Variants in NBEA observed in about 807,000 individuals in gnomAD.
NBEA encodes the protein neurobeachin.
A neutral mutation model predicts 343.4 loss-of-function variants in NBEA; 44 were observed. That is an observed-to-expected ratio of 0.13 (90% CI 0.10 to 0.16). The LOEUF is 0.16. NBEA is among the 10% of genes least tolerant of loss of function. The pLI is 1.00. For missense variants in NBEA, 2,555 were observed against 3,631.3 expected, an observed-to-expected ratio of 0.70 and a Z score of 7.62; for synonymous variants, 1,175 against 1,238.7, an observed-to-expected ratio of 0.95 and a Z score of 1.08.
In NBEA at chr13:35,532,699, T is replaced by C. The variant is rs541895193; in HGVS notation, c.6586-17778T>C. 2.0e-5 allele frequency among the ~76,000 whole-genome samples: 3 copies of C among 152,220 alleles called. No homozygotes were observed. The East Asian group carries it at 5.8e-4, about 29-fold the overall frequency. On this transcript the variant is annotated intron_variant, in intron 41 of 58. Coordinates refer to ENST00000379939, the MANE Select transcript of NBEA (RefSeq NM_001385012.1). ...GAAATTAGTTTGAGTCTATGCATCA[T>C]TCTAGATACTTCTAGTACCAGAAGT... is the stretch of plus-strand genomic sequence containing the variant.
At chr13:35,429,337 G>A (rs775337650) in intron 38 of NBEA, among the ~76,000 whole-genome samples, 79 of 149,738 alleles carry the variant, frequency 5.3e-4, no homozygotes, top group Middle Eastern at 6.9e-3. Flanking sequence ...TAGGTCAGGT[G>A]GGGACACAAT....
intron 12 of NBEA, among the ~76,000 whole-genome samples, chr13:35,110,051 TA>T (rs142960328): frequency 0.46 from 50,725 of 109,502 alleles, 11,862 homozygotes; most frequent in Admixed American, 0.52. Context: ...TTTTTTTTTT[TA>T]AATGTTTTTT....
At chr13:35,563,150 G>GAGATAGATAGATAGATAGAT (rs78016185) in intron 44 of NBEA, among the ~76,000 whole-genome samples, 2 of 107,198 alleles carry the variant, frequency 1.9e-5, no homozygotes, top group African/African-American at 2.8e-5. Flanking sequence ...TAGATAGATA[G>GAGATAGATAGATAGATAGAT]ATAGATAGAT....
At position 35,543,427 on chromosome 13, in the gene NBEA, C is replaced by G. The variant is rs144123246; in HGVS notation, c.6586-7050C>G. On this transcript the variant is annotated intron_variant, in intron 41 of 58. Coordinates refer to ENST00000379939, the MANE Select transcript of NBEA (RefSeq NM_001385012.1). Reference sequence around the variant, plus strand: ...TAAAAATCACATAAGGATCTATTGTCAGAAGTTATTTTTAATTATCTCTCA... The same window carrying G: ...TAAAAATCACATAAGGATCTATTGTGAGAAGTTATTTTTAATTATCTCTCA... Among the ~76,000 whole-genome samples, 21 of 152,284 alleles carry G rather than the reference C, an allele frequency of 1.4e-4. 1 individual carries two copies. The highest frequency in any genetic ancestry group is 4.6e-4 in the African/African-American group (19 of 41,566).
At chr13:35,171,479 G>A in intron 26 of NBEA, 27 bp downstream of exon 26, 1 of 1,573,148 alleles carries the variant, frequency 6.4e-7, no homozygotes, top group Non-Finnish European at 8.7e-7. Context: ...AATAGTGCAT[G>A]TCAAATAATT....
At chr13:35,183,513 T>C (rs1178822134) in intron 29 of NBEA, among the ~76,000 whole-genome samples, 1 of 152,042 alleles carries the variant, frequency 6.6e-6, no homozygotes, top group East Asian at 1.9e-4. Context: ...GCTACAGTAT[T>C]TTGCTGTTGC....
chr13:34,961,392 C>T (rs553115520), intron 1 of NBEA, among the ~76,000 whole-genome samples: 15 of 152,110 alleles, frequency 9.9e-5, no homozygotes, highest in East Asian at 1.9e-4. Flanking sequence ...CCAGTTTTGA[C>T]TCAGTTATTC....
chr13:35,664,549 G>A (rs1050893928), intron 55 of NBEA, among the ~76,000 whole-genome samples: 5 of 152,220 alleles, frequency 3.3e-5, no homozygotes, highest in African/African-American at 1.2e-4. Context: ...TATGAAAGCA[G>A]TTAGCAGTGA....
At chr13:34,999,537 C>G (rs892815035) in intron 1 of NBEA, among the ~76,000 whole-genome samples, 2 of 152,086 alleles carry the variant, frequency 1.3e-5, no homozygotes, top group Non-Finnish European at 2.9e-5. Flanking sequence ...AGTGTTCTCA[C>G]TTTGAAATCT....
intron 35 of NBEA, among the ~76,000 whole-genome samples, chr13:35,308,695 T>A (rs2152832060): frequency 6.8e-6 from 1 of 146,832 alleles, no homozygotes; most frequent in East Asian, 2.0e-4. Context: ...TATATTTAAA[T>A]ATATATTTAA....
intron 39 of NBEA, among the ~76,000 whole-genome samples, chr13:35,444,073 T>C (rs2045872558): frequency 6.6e-6 from 1 of 152,006 alleles, no homozygotes; most frequent in Admixed American, 6.6e-5. Flanking sequence ...GTGTATCTAT[T>C]ACTTTTATCT....
At chr13:35,384,119 C>T (rs998690356) in intron 38 of NBEA, among the ~76,000 whole-genome samples, 2 of 151,794 alleles carry the variant, frequency 1.3e-5, no homozygotes, top group African/African-American at 4.8e-5. Context: ...AGGTAGCATG[C>T]GGAAGTCACT....
At chr13:35,504,336 A>C (rs1273368064) in intron 41 of NBEA, among the ~76,000 whole-genome samples, 2 of 152,292 alleles carry the variant, frequency 1.3e-5, no homozygotes, top group Non-Finnish European at 2.9e-5. Flanking sequence ...TTCCTATGTA[A>C]TATAATACAC....
intron 2 of NBEA, among the ~76,000 whole-genome samples, chr13:35,043,508 G>A (rs970795404): frequency 2.0e-5 from 3 of 151,690 alleles, no homozygotes; most frequent in Admixed American, 1.3e-4. Flanking sequence ...CTTCATATTA[G>A]CTTAGGATTT....
Position 35,205,497 on chromosome 13 carries a change from G to A in NBEA, c.5367-3203G>A, listed in dbSNP as rs73167784. Among the ~76,000 whole-genome samples, 409 of 152,090 alleles carry A rather than the reference G, an allele frequency of 2.7e-3. 1 individual carries two copies. Among genetic ancestry groups the A allele is most frequent in the Non-Finnish European group, 3.8e-3 (257 of 67,970 alleles). On this transcript the variant is annotated intron_variant, in intron 31 of 58. Coordinates refer to ENST00000379939, the MANE Select transcript of NBEA (RefSeq NM_001385012.1). ...TGTAACTTTTTCTCACCCTTTTACT[G>A]TAATTTTCTGTCCTTTCAGCCTTTC... is the stretch of plus-strand genomic sequence containing the variant.
At chr13:35,643,412 A>G (rs1052765171) in intron 49 of NBEA, among the ~76,000 whole-genome samples, 2 of 152,164 alleles carry the variant, frequency 1.3e-5, no homozygotes, top group African/African-American at 4.8e-5. Flanking sequence ...GGCATAGAGT[A>G]AGCATTCAAC....
intron 6 of NBEA, among the ~76,000 whole-genome samples, chr13:35,054,292 A>G (rs1227088837): frequency 6.6e-6 from 1 of 152,118 alleles, no homozygotes; most frequent in Non-Finnish European, 1.5e-5. Flanking sequence ...TTTAATTCTT[A>G]TACTTGTAAA....
intron 1 of NBEA, among the ~76,000 whole-genome samples, chr13:35,027,108 C>T (rs73491550): frequency 0.043 from 6,568 of 151,992 alleles, 255 homozygotes; most frequent in African/African-American, 0.099. Context: ...GAGTAGTATT[C>T]CATGGTATGG....
At chr13:35,013,573 C>T (rs368966532) in intron 1 of NBEA, among the ~76,000 whole-genome samples, 79 of 151,608 alleles carry the variant, frequency 5.2e-4, no homozygotes, top group African/African-American at 1.9e-3. Context: ...CAGGTTCAGG[C>T]GATTCTCCTG....
Sources: gnomAD v4.1 joint callset for allele counts (sites outside exome capture counted in the v4.1 genomes callset) on GRCh38, gnomAD v4.1.1 for gene constraint, MANE v1.5 for transcripts, NCBI Gene and HGNC (gene_info 2026-07-23, HGNC 2026-07-21) for gene names.